ZNF329: variants seen among roughly 807,000 people sequenced by gnomAD.
ZNF329 encodes zinc finger protein 329.
A neutral mutation model predicts 26.6 loss-of-function variants in ZNF329; 15 were observed. The observed-to-expected ratio is 0.56, with a 90% confidence interval of 0.38 to 0.87. The LOEUF is 0.87. Ranked by LOEUF, ZNF329 falls within the 40% of genes least tolerant of loss-of-function variation. The pLI is 0.00. For synonymous variants in ZNF329, 239 were observed against 233.5 expected, an observed-to-expected ratio of 1.02 and a Z score of -0.21; for missense variants, 651 against 651.9, an observed-to-expected ratio of 1.00 and a Z score of 0.02.
intron 1 of ZNF329, among the ~76,000 whole-genome samples, chr19:58,144,088 T>A (rs996606896): frequency 2.0e-5 from 3 of 151,846 alleles, no homozygotes; most frequent in South Asian, 2.1e-4. Context: ...TCTCAAAAAA[T>A]AAATAAATAA....
At position 58,127,785 on chromosome 19, in the gene ZNF329, C is replaced by A; in HGVS notation, c.*93G>T. 8.0e-7 allele frequency: 1 copy of A among 1,254,400 alleles called. No individual in the cohort carries two copies. Among genetic ancestry groups the A allele is most frequent in the Non-Finnish European group, 1.1e-6 (1 of 899,396 alleles). The allele number at this position is 1,254,400 out of a possible 1,614,324, so 77.7% of individuals were successfully genotyped here. On this transcript the variant is annotated 3_prime_UTR_variant, in exon 4 of 4. Coordinates refer to ENST00000598312, the MANE Select transcript of ZNF329 (RefSeq NM_024620.4). ...AATTCACTGGATAGCTTAAAGGATT[C>A]TTTTCTACTGACCAGAGAGGAGTCA...
intron 3 of ZNF329, among the ~76,000 whole-genome samples, chr19:58,140,136 G>A (rs1451649384): frequency 6.6e-6 from 1 of 152,156 alleles, no homozygotes; most frequent in African/African-American, 2.4e-5. Flanking sequence ...TCATGGAGGT[G>A]GAACCCGCAT....
chr19:58,148,095 C>T (rs1273711287), intron 1 of ZNF329, among the ~76,000 whole-genome samples: 1 of 151,846 alleles, frequency 6.6e-6, no homozygotes, highest in Non-Finnish European at 1.5e-5. Flanking sequence ...ACCTTACCCC[C>T]AACCCTGTGC....
At chr19:58,146,195 C>T (rs1029898435) in intron 1 of ZNF329, among the ~76,000 whole-genome samples, 2 of 152,116 alleles carry the variant, frequency 1.3e-5, no homozygotes, top group Non-Finnish European at 2.9e-5. Context: ...TATCTGGGGC[C>T]AGGCGCAGTG....
At chr19:58,153,035 TAAC>T (rs1488576517), upstream of ZNF329, among the ~76,000 whole-genome samples, 2 of 152,202 alleles carry the variant, frequency 1.3e-5, no homozygotes, top group Non-Finnish European at 2.9e-5. Context: ...TCATTAATAA[TAAC>T]AAGGGTGTTT....
intron 1 of ZNF329, among the ~76,000 whole-genome samples, chr19:58,144,850 CTTTT>C (rs71188086): frequency 0.026 from 3,171 of 120,308 alleles, 123 homozygotes; most frequent in African/African-American, 0.089. Flanking sequence ...AATTTTTTTT[CTTTT>C]TTTTTTTTTT....
At chr19:58,141,177 G>A (rs1600079993) in intron 3 of ZNF329, among the ~76,000 whole-genome samples, 1 of 149,752 alleles carries the variant, frequency 6.7e-6, no homozygotes, top group Non-Finnish European at 1.5e-5. Context: ...TTTTTTTTTG[G>A]TAGAGATGAG....
intron 1 of ZNF329, among the ~76,000 whole-genome samples, chr19:58,146,200 G>A (rs1159116441): frequency 3.9e-5 from 6 of 152,096 alleles, no homozygotes; most frequent in African/African-American, 1.2e-4. Context: ...GGGGCCAGGC[G>A]CAGTGGCTCA....
intron 1 of ZNF329, among the ~76,000 whole-genome samples, chr19:58,146,035 AG>A (rs962551185): frequency 3.3e-5 from 5 of 152,102 alleles, no homozygotes; most frequent in Non-Finnish European, 7.4e-5. Context: ...GTGCCATTCA[AG>A]GTTGAGGAAG....
At chr19:58,148,888 G>C (rs1342404244) in intron 1 of ZNF329, among the ~76,000 whole-genome samples, 3 of 152,160 alleles carry the variant, frequency 2.0e-5, no homozygotes, top group African/African-American at 2.4e-5. Context: ...AATATAAAAA[G>C]AAAACCCTAT....
intron 1 of ZNF329, among the ~76,000 whole-genome samples, chr19:58,147,782 C>T (rs1237731127): frequency 0.01 from 2 of 200 alleles, no homozygotes; most frequent in East Asian, 0.17. Context: ...GGGGGTCAGC[C>T]CCCCCACCCG....
upstream of ZNF329, among the ~76,000 whole-genome samples, chr19:58,153,901 C>G (rs1160564939): frequency 6.6e-6 from 1 of 152,000 alleles, no homozygotes; most frequent in African/African-American, 2.4e-5. Context: ...TGGGGTCTCA[C>G]TATTTTACCC....
intron 3 of ZNF329, among the ~76,000 whole-genome samples, chr19:58,138,976 GA>G (rs139042700): frequency 0.013 from 1,946 of 151,632 alleles, 36 homozygotes; most frequent in African/African-American, 0.043. Context: ...AAAGAAAAAA[GA>G]AAAAAAGAAA....
chr19:58,149,869 C>T (rs74609424), intron 1 of ZNF329, among the ~76,000 whole-genome samples: 5,668 of 152,238 alleles, frequency 0.037, 367 homozygotes, highest in African/African-American at 0.13. Flanking sequence ...AAAAGCACTA[C>T]TGAACTCTAA....
In ZNF329 at chr19:58,128,497, A is replaced by T; in HGVS notation, c.1007T>A (p.Ile336Asn). 6.2e-7 allele frequency: 1 copy of T among 1,613,884 alleles called. No homozygotes were observed. The highest frequency in any genetic ancestry group is 8.5e-7 in the Non-Finnish European group (1 of 1,179,882). Residue 336 changes from isoleucine (I) to asparagine (N), a missense_variant, in exon 4 of 4, where the codon ATC becomes AAC. Ile to Asn is a moderately radical substitution (Grantham distance 149). Transcript: ENST00000598312. ...DISHLTVHLR[I>N]HTGEKPYECS... ...CTCATAGGGCTTCTCACCGGTGTGG[A>T]TTCTGAGATGCACTGTAAGGTGGGA...
intron 3 of ZNF329, among the ~76,000 whole-genome samples, chr19:58,131,928 C>A (rs1190048788): frequency 6.7e-6 from 1 of 148,608 alleles, no homozygotes; most frequent in Non-Finnish European, 1.5e-5. Context: ...GAGGCTGAGG[C>A]AGGAGAATGG....
intron 3 of ZNF329, among the ~76,000 whole-genome samples, chr19:58,138,487 G>C (rs2075118288): frequency 6.6e-6 from 1 of 152,204 alleles, no homozygotes; most frequent in Admixed American, 6.5e-5. Context: ...CAGCCAGTCA[G>C]GAGGACCATG....
chr19:58,143,731 A>G (rs2075235879), intron 1 of ZNF329, among the ~76,000 whole-genome samples: 3 of 152,284 alleles, frequency 2.0e-5, no homozygotes, highest in African/African-American at 7.2e-5. Flanking sequence ...ACGCTCACAC[A>G]CAGGCTTATA....
rs765602454 is a variant in ZNF329, at chr19:58,128,947, A to G, written c.557T>C (p.Leu186Pro). 1.2e-6 allele frequency: 2 copies of G among 1,613,768 alleles called. No individual in the cohort carries two copies. Among genetic ancestry groups the G allele is most frequent in the African/African-American group, 2.7e-5 (2 of 74,898 alleles). ...EGKNFENIFT[L>P]SSSLNENQRN... Reference sequence around the variant, plus strand: ...CTGGTTTTCATTAAGCGATGAGCTCAGAGTAAAGATGTTCTCAAAATTCTT... The same window carrying G: ...CTGGTTTTCATTAAGCGATGAGCTCGGAGTAAAGATGTTCTCAAAATTCTT... Residue 186 changes from leucine (L) to proline (P), a missense_variant, in exon 4 of 4, where the codon CTG becomes CCG. By Grantham distance (98) the Leu-to-Pro change is moderately conservative. Coordinates refer to ENST00000598312, the MANE Select transcript of ZNF329 (RefSeq NM_024620.4).
Sources: gnomAD v4.1 joint callset for allele counts (sites outside exome capture counted in the v4.1 genomes callset) on GRCh38, gnomAD v4.1.1 for gene constraint, MANE v1.5 for transcripts, NCBI Gene and HGNC (gene_info 2026-07-23, HGNC 2026-07-21) for gene names.